Variants in MBOAT7 observed in about 807,000 individuals in gnomAD.
The protein encoded by MBOAT7 is membrane bound acylglycerophosphatidylinositol O-acyltransferase MBOAT7, also known as membrane-bound acylglycerophosphatidylinositol O-acyltransferase MBOAT7.
In MBOAT7, 40 loss-of-function variants were observed where a neutral mutation model predicts 47.4. That is an observed-to-expected ratio of 0.84 (90% confidence interval 0.66 to 1.10). The LOEUF is 1.10. MBOAT7 is among the 50% of genes least tolerant of loss of function. MBOAT7 has a pLI of 0.00. For missense variants in MBOAT7, 680 were observed against 655.6 expected, an observed-to-expected ratio of 1.04 and a Z score of -0.41; for synonymous variants, 361 against 292.0, an observed-to-expected ratio of 1.24 and a Z score of -2.41.
intron 4 of MBOAT7, 60 bp from the exon 5 acceptor site, chr19:54,183,740 T>C (rs1167497490): frequency 6.8e-7 from 1 of 1,464,054 alleles, no homozygotes; most frequent in Non-Finnish European, 9.0e-7. Flanking sequence ...CCCACACCCA[T>C]CTCCCTTGCG....
intron 5 of MBOAT7, among the ~76,000 whole-genome samples, chr19:54,183,141 T>C (rs779450264): frequency 1.3e-5 from 2 of 152,360 alleles, no homozygotes; most frequent in African/African-American, 2.4e-5. Flanking sequence ...GCTAGGATTA[T>C]AGGCATAAGC....
Position 54,187,208 on chromosome 19 carries a change from T to G in MBOAT7, c.286A>C (p.Thr96Pro). The change falls in exon 4 of 8, where the codon ACT becomes CCT. Residue 96 changes from threonine to proline, a missense_variant. Coordinates refer to ENST00000245615, the MANE Select transcript of MBOAT7 (RefSeq NM_024298.5). ...FRALSLLGLP[T>P]PTPFTNAVQL... is the part of the protein sequence containing the mutation. ...ACGGCATTGGTGAAGGGCGTGGGAGTGGGCAGGCCCAGGAGGCTGAGGGCT... is the reference window on the plus strand; with the variant it reads ...ACGGCATTGGTGAAGGGCGTGGGAGGGGGCAGGCCCAGGAGGCTGAGGGCT... 3 of 1,599,696 alleles carry G rather than the reference T, an allele frequency of 1.9e-6. No homozygotes were observed.
chr19:54,175,978 C>T (rs1319329085), intron 7 of MBOAT7, among the ~76,000 whole-genome samples: 3 of 152,148 alleles, frequency 2.0e-5, no homozygotes, highest in Non-Finnish European at 2.9e-5. Context: ...CCGCCGTGGC[C>T]TACCAAAGTG....
intron 4 of MBOAT7, among the ~76,000 whole-genome samples, chr19:54,186,510 G>T (rs1336800377): frequency 6.6e-6 from 1 of 152,138 alleles, no homozygotes; most frequent in African/African-American, 2.4e-5. Context: ...GATGTGGCTG[G>T]TGTAGCCTGT....
In MBOAT7 at chr19:54,180,156, A is replaced by G. The variant is rs2076222779; in HGVS notation, c.854+617T>C. The G allele has an allele frequency of 6.6e-6, 1 of 152,296 alleles. No homozygotes were observed. The highest frequency in any genetic ancestry group is 2.1e-4 in the South Asian group (1 of 4,836). The allele number at this position is 152,296 out of a possible 1,614,324, so 9.4% of individuals were successfully genotyped here. ...GGCGTGCCCTCTGCTGGGGAACAGCACTGGTCAGGGATTGGAAATTGCTAT... is the reference window on the plus strand; with the variant it reads ...GGCGTGCCCTCTGCTGGGGAACAGCGCTGGTCAGGGATTGGAAATTGCTAT... On this transcript the variant is annotated intron_variant, in intron 6 of 7. Transcript: ENST00000245615. This position sits in a 1 kb window ranked among gnomAD's most constrained non-coding sequence, Gnocchi z 5.2.
intron 4 of MBOAT7, among the ~76,000 whole-genome samples, chr19:54,184,142 G>A (rs758483906): frequency 1.4e-5 from 2 of 145,394 alleles, no homozygotes; most frequent in African/African-American, 2.5e-5. Context: ...CCCCAAATCC[G>A]ATCCTTTAAT....
Position 54,173,842 on chromosome 19 carries a change from T to C in MBOAT7, c.*202A>G, listed in dbSNP as rs1450624779. ...CTCTTGTCTGGACAATACTTTGATT[T>C]TGTAGGAGTGGAGGTGGCCTCTGGG... On this transcript the variant is annotated 3_prime_UTR_variant, in exon 8 of 8. Transcript: ENST00000245615. 1.8e-6 allele frequency: 1 copy of C among 547,988 alleles called. No homozygotes were observed. The highest frequency in any genetic ancestry group is 2.0e-5 in the African/African-American group (1 of 50,236). 33.9% of individuals were successfully genotyped at this position (547,988 alleles called of 1,614,324 possible).
At chr19:54,181,921 G>A (rs867606643) in intron 5 of MBOAT7, among the ~76,000 whole-genome samples, 6 of 34,868 alleles carry the variant, frequency 1.7e-4, no homozygotes, top group Non-Finnish European at 2.2e-4. Context: ...GAGGGAAGGA[G>A]GGAGGGAGGG....
intron 5 of MBOAT7, among the ~76,000 whole-genome samples, chr19:54,182,500 G>GTT (rs1555837607): frequency 0.01 from 664 of 66,128 alleles, 3 homozygotes; most frequent in African/African-American, 0.035. Flanking sequence ...TATGTTTTGT[G>GTT]TTTTGTTTTT....
intron 4 of MBOAT7, among the ~76,000 whole-genome samples, chr19:54,184,160 T>C (rs962321538): frequency 1.7e-4 from 19 of 113,052 alleles, no homozygotes; most frequent in South Asian, 2.9e-4. Context: ...AATCTCTCTC[T>C]CTTTTTTTTT....
Position 54,178,847 on chromosome 19 carries a change from T to C in MBOAT7, c.949A>G (p.Met317Val), listed in dbSNP as rs773670226. Reference protein sequence around the residue: ...TDFCVRVRDGMRYWNMTVQWW... With the variant: ...TDFCVRVRDGVRYWNMTVQWW... Reference sequence around the variant, plus strand: ...TGCACCGTCATGTTCCAGTACCGCATGCCATCGCGCACCCGCACGCAGAAA... The same window carrying C: ...TGCACCGTCATGTTCCAGTACCGCACGCCATCGCGCACCCGCACGCAGAAA... The change falls in exon 7 of 8, where the codon ATG (methionine) becomes GTG (valine). Residue 317 changes from methionine to valine, a missense_variant. Coordinates refer to ENST00000245615, the MANE Select transcript of MBOAT7 (RefSeq NM_024298.5). 5 of 1,613,724 alleles carry C rather than the reference T, an allele frequency of 3.1e-6. No homozygotes were observed. Among genetic ancestry groups the C allele is most frequent in the Non-Finnish European group, 4.2e-6 (5 of 1,180,020 alleles).
chr19:54,179,123 G>A, intron 6 of MBOAT7, 182 bp from the exon 7 acceptor site: 1 of 745,962 alleles, frequency 1.3e-6, no homozygotes, highest in Non-Finnish European at 2.1e-6. Context: ...TGTAGGGTAG[G>A]AAGGTGGGTG....
chr19:54,187,266 C>A lies in MBOAT7; in HGVS notation c.228G>T (p.Leu76=), dbSNP rs1383660431. The A allele has an allele frequency of 6.2e-7, 1 of 1,610,772 alleles. No individual in the cohort carries two copies. The highest frequency in any genetic ancestry group is 1.7e-5 in the Admixed American group (1 of 59,660). ...ACAGGAGATAGGAGAAAGTCCAGGC[C>A]AGAGCCAGGGCGTGGCAGGAGCTGG... ...AQPCSCHALA[L]AWTFSYLLFF... Residue 76 remains leucine, a synonymous_variant, in exon 4 of 8, where the codon CTG becomes CTT. Coordinates refer to ENST00000245615, the MANE Select transcript of MBOAT7 (RefSeq NM_024298.5).
chr19:54,183,705 G>A, intron 4 of MBOAT7, 25 bp from the exon 5 acceptor site: 3 of 1,518,484 alleles, frequency 2.0e-6, no homozygotes, highest in Non-Finnish European at 1.8e-6. Context: ...GTGGGCAAGG[G>A]GCCAGGTCAG....
At chr19:54,188,025 G>C (rs948599197) in intron 3 of MBOAT7, among the ~76,000 whole-genome samples, 192 bp downstream of exon 3, 1 of 72,014 alleles carries the variant, frequency 1.4e-5, no homozygotes, top group African/African-American at 5.9e-5. Context: ...CAGAAAGAAA[G>C]AAAGAAAGAA....
chr19:54,176,433 C>T (rs2076109838), intron 7 of MBOAT7, among the ~76,000 whole-genome samples: 1 of 152,032 alleles, frequency 6.6e-6, no homozygotes, highest in Admixed American at 6.6e-5. Flanking sequence ...TAGCACGTGC[C>T]TATAATCCCA....
At chr19:54,175,574 T>C (rs2146961072) in intron 7 of MBOAT7, among the ~76,000 whole-genome samples, 1 of 152,232 alleles carries the variant, frequency 6.6e-6, no homozygotes, top group Admixed American at 6.5e-5. Context: ...CCTCACTCTT[T>C]TTATTTTTTT....
At chr19:54,178,324 G>A in intron 7 of MBOAT7, 1 of 1,044,266 alleles carries the variant, frequency 9.6e-7, no homozygotes, top group African/African-American at 1.7e-5. Context: ...GCACTTACCT[G>A]TCAGGCCTCA....
At chr19:54,178,240 A>G (rs1245886012) in intron 7 of MBOAT7, 2 of 992,022 alleles carry the variant, frequency 2.0e-6, no homozygotes, top group Non-Finnish European at 2.4e-6. Context: ...TGCACAGATA[A>G]CAGTGTCAAG....
Sources: gnomAD v4.1 joint callset for allele counts (sites outside exome capture counted in the v4.1 genomes callset) on GRCh38, gnomAD v4.1.1 for gene constraint, Gnocchi (gnomAD v3.1) non-coding constraint, MANE v1.5 for transcripts, NCBI Gene and HGNC (gene_info 2026-07-23, HGNC 2026-07-21) for gene names.